The following GSAP variants were observed in gnomAD, a reference collection of about 807,000 sequenced individuals.
GSAP encodes gamma-secretase activating protein.
A neutral mutation model predicts 131.7 loss-of-function variants in GSAP; 118 were observed. The observed-to-expected ratio is 0.90, with a 90% CI of 0.77 to 1.04. The LOEUF (loss-of-function observed/expected upper bound fraction) is 1.04. Among genes scored for constraint, GSAP ranks in the 50% least tolerant of loss-of-function variants. GSAP has a pLI of 0.00. For synonymous variants in GSAP, 381 were observed against 363.4 expected, an observed-to-expected ratio of 1.05 and a Z score of -0.55; for missense variants, 1,019 against 1,013.2, an observed-to-expected ratio of 1.01 and a Z score of -0.08.
At chr7:77,415,769 G>A (rs185634741) in intron 1 of GSAP, 57 of 159,272 alleles carry the variant, frequency 3.6e-4, no homozygotes, top group African/African-American at 1.4e-3. Flanking sequence ...GGTTTGCTTG[G>A]TGGTCACGGA....
chr7:77,391,092 A>C (rs1262349429), intron 5 of GSAP, among the ~76,000 whole-genome samples: 10 of 133,130 alleles, frequency 7.5e-5, no homozygotes, highest in Non-Finnish European at 1.5e-4. Context: ...ACACCACTGC[A>C]CTCCAGCGTG....
chr7:77,364,945 A>C (rs1795063302), intron 12 of GSAP, among the ~76,000 whole-genome samples: 1 of 152,072 alleles, frequency 6.6e-6, no homozygotes. Context: ...GAACACTCAA[A>C]ATGTGGATAA....
intron 5 of GSAP, among the ~76,000 whole-genome samples, chr7:77,392,398 AT>A (rs1799719715): frequency 6.6e-6 from 1 of 151,846 alleles, no homozygotes; most frequent in Non-Finnish European, 1.5e-5. Flanking sequence ...AACACAAAAA[AT>A]TAGCCAGGCG....
intron 19 of GSAP, among the ~76,000 whole-genome samples, chr7:77,334,525 T>C (rs1453934191): frequency 6.9e-6 from 1 of 144,490 alleles, no homozygotes; most frequent in African/African-American, 2.6e-5. Flanking sequence ...ATGGCATGCG[T>C]TTACCTATGT....
Position 77,377,391 on chromosome 7 carries a change from C to T in GSAP, c.577-1G>A. The stretch of plus-strand genomic sequence containing the variant: ...GGAGATGGCCAGAATTTTTAATCAC[C>T]TAAAAATGCAAAAAAAAAAAAAAAA... On this transcript the variant is annotated splice_acceptor_variant, in intron 8 of 30. Coordinates refer to ENST00000257626, the MANE Select transcript of GSAP (RefSeq NM_017439.4). LOFTEE classifies it high-confidence loss of function. The T allele has an allele frequency of 7.2e-7, 1 of 1,397,334 alleles. No individual in the cohort carries two copies. The allele number at this position is 1,397,334 out of a possible 1,614,324, so 86.6% of individuals were successfully genotyped here. A position where few individuals can be genotyped will look rare whatever the true frequency, so the allele number is the denominator to read the frequency against.
In GSAP at chr7:77,383,343, CAG is replaced by C. The variant is rs368003249; in HGVS notation, c.457-702_457-701del. ...TCACACACACACACACACACACACACAGAGGTCGATATAGTCGTTGTGCAACT... is the reference window on the plus strand; with the variant it reads ...TCACACACACACACACACACACACACAGGTCGATATAGTCGTTGTGCAACT... On this transcript the variant is annotated intron_variant, in intron 6 of 30. Transcript: ENST00000257626. Among the ~76,000 whole-genome samples, 514 of 145,628 alleles carry C rather than the reference CAG, an allele frequency of 3.5e-3. 2 individuals carry two copies. The highest frequency in any genetic ancestry group is 0.013 in the African/African-American group (492 of 39,190).
At chr7:77,398,933 A>G (rs1375272393) in intron 3 of GSAP, among the ~76,000 whole-genome samples, 3 of 152,198 alleles carry the variant, frequency 2.0e-5, no homozygotes, top group Non-Finnish European at 4.4e-5. Flanking sequence ...TATTCTGACA[A>G]CTTGCTTTTT....
chr7:77,311,102 C>T lies in GSAP; in HGVS notation c.*256G>A, dbSNP rs1048629204. The T allele has an allele frequency of 5.6e-6, 2 of 355,604 alleles. No homozygotes were observed. The highest frequency in any genetic ancestry group is 1.0e-5 in the Non-Finnish European group (2 of 195,726). The allele number at this position is 355,604 out of a possible 1,614,324, so 22.0% of individuals were successfully genotyped here. A position where few individuals can be genotyped will look rare whatever the true frequency, so the allele number is the denominator to read the frequency against. The stretch of plus-strand genomic sequence containing the variant: ...TGGCCTATTAAGCTACTAGGAAGAG[C>T]ATCGTTTATGCCACTGTATGCCTTC... On this transcript the variant is annotated 3_prime_UTR_variant, in exon 31 of 31. Transcript: ENST00000257626.
chr7:77,405,398 A>G (rs1228404890), intron 2 of GSAP, among the ~76,000 whole-genome samples: 1 of 152,260 alleles, frequency 6.6e-6, no homozygotes, highest in Non-Finnish European at 1.5e-5. Context: ...AAATGTTAAC[A>G]TATTAATTAG....
At chr7:77,367,146 C>G (rs185925354) in intron 12 of GSAP, among the ~76,000 whole-genome samples, 2 of 152,284 alleles carry the variant, frequency 1.3e-5, no homozygotes, top group East Asian at 3.8e-4. Flanking sequence ...GGGTTTTCTA[C>G]AGAATCATGC....
intron 14 of GSAP, 99 bp from the exon 15 acceptor site, chr7:77,355,746 C>A: frequency 1.2e-5 from 8 of 657,032 alleles, no homozygotes; most frequent in Admixed American, 2.7e-5. Context: ...TCTCAAAAGG[C>A]AAAAGTTTTA....
chr7:77,350,972 T>C (rs1156875891), intron 18 of GSAP: 15 of 265,080 alleles, frequency 5.7e-5, no homozygotes, highest in Non-Finnish European at 7.6e-5. Context: ...TCAGCTTTCA[T>C]TTCCTTAAAA....
chr7:77,378,354 C>CAT (rs1455835218), intron 8 of GSAP, among the ~76,000 whole-genome samples: 1 of 151,956 alleles, frequency 6.6e-6, no homozygotes, highest in African/African-American at 2.4e-5. Flanking sequence ...CATGGTGGTG[C>CAT]ATGCCTGTAA....
chr7:77,328,076 T>C (rs1312896036), intron 22 of GSAP: 2 of 338,314 alleles, frequency 5.9e-6, no homozygotes, highest in Non-Finnish European at 8.4e-6. Context: ...CAGGAGCACA[T>C]GGTTCACACA....
intron 13 of GSAP, 103 bp from the exon 14 acceptor site, chr7:77,361,004 C>T: frequency 1.4e-6 from 1 of 701,390 alleles, no homozygotes; most frequent in Non-Finnish European, 2.6e-6. Flanking sequence ...GACCATGAAA[C>T]TGGTAAGCAG....
At chr7:77,409,952 G>A (rs1802982801) in intron 1 of GSAP, among the ~76,000 whole-genome samples, 1 of 152,168 alleles carries the variant, frequency 6.6e-6, no homozygotes, top group African/African-American at 2.4e-5. Context: ...GAACACTGAT[G>A]CCCCAAGCCA....
chr7:77,381,263 G>GAAA, intron 8 of GSAP, 42 bp downstream of exon 8: 1 of 1,112,042 alleles, frequency 9.0e-7, no homozygotes, highest in South Asian at 1.5e-5. Flanking sequence ...TCTTTGTGGG[G>GAAA]AAAAAAAAAC....
chr7:77,381,351 A>C lies in GSAP; in HGVS notation c.530T>G (p.Ile177Ser). ...GGCGACATGGATACGAAATTGTTCA[A>C]TATCTTTAAAAGAAAAACAAAGAAA... is the stretch of plus-strand genomic sequence containing the variant. The part of the protein sequence containing the change: ...HLLLISEEKY[I>S]EQFRIHVAQE... Residue 177 changes from isoleucine to serine, a missense_variant, in exon 8 of 31, where the codon ATT becomes AGT. By Grantham distance (142) the Ile-to-Ser change is moderately radical. Transcript: ENST00000257626. 1 of 1,498,078 alleles carries C rather than the reference A, an allele frequency of 6.7e-7. No individual in the cohort carries two copies. Among genetic ancestry groups the C allele is most frequent in the Non-Finnish European group, 9.2e-7 (1 of 1,092,454 alleles). 92.8% of individuals were successfully genotyped at this position (1,498,078 alleles called of 1,614,324 possible). A position where few individuals can be genotyped will look rare whatever the true frequency, so the allele number is the denominator to read the frequency against.
intron 1 of GSAP, among the ~76,000 whole-genome samples, chr7:77,408,328 T>A (rs1802654029): frequency 6.6e-6 from 1 of 152,218 alleles, no homozygotes; most frequent in Non-Finnish European, 1.5e-5. Context: ...GTTAAAGGAT[T>A]TAAACACTGG....
Sources: gnomAD v4.1 joint callset for allele counts (sites outside exome capture counted in the v4.1 genomes callset) on GRCh38, gnomAD v4.1.1 for gene constraint, MANE v1.5 for transcripts, NCBI Gene and HGNC (gene_info 2026-07-23, HGNC 2026-07-21) for gene names.